Variants in VPS8 observed in about 807,000 individuals in gnomAD.
The protein encoded by VPS8 is vacuolar protein sorting-associated protein 8 homolog.
VPS8 carries 129 observed loss-of-function variants against 216.4 expected under a neutral mutation model. The observed-to-expected ratio is 0.60, with a 90% CI of 0.52 to 0.69. The LOEUF (loss-of-function observed/expected upper bound fraction) is 0.69. Ranked by LOEUF, VPS8 falls within the 30% of genes least tolerant of loss-of-function variation. VPS8 has a pLI of 0.00. For synonymous variants in VPS8, 571 were observed against 565.4 expected (o/e 1.01, Z -0.14); for missense variants, 1,531 against 1,683.5 (o/e 0.91, Z 1.59).
chr3:184,890,489 A>G (rs1335644217), intron 22 of VPS8, among the ~76,000 whole-genome samples: 3 of 152,136 alleles, frequency 2.0e-5, no homozygotes, highest in Non-Finnish European at 4.4e-5. Flanking sequence ...TATAAACATA[A>G]TACATGCTCT....
intron 45 of VPS8, among the ~76,000 whole-genome samples, chr3:185,012,561 C>A (rs1755168238): frequency 6.6e-6 from 1 of 151,188 alleles, no homozygotes. Context: ...AAAACCATAC[C>A]CAAACACATA....
chr3:184,930,188 A>G (rs988234397), intron 33 of VPS8, among the ~76,000 whole-genome samples: 1 of 152,216 alleles, frequency 6.6e-6, no homozygotes, highest in Non-Finnish European at 1.5e-5. Flanking sequence ...AATGTGGACA[A>G]TGGGATCCCC....
Position 184,852,579 on chromosome 3 carries a change from G to C in VPS8, c.821+12G>C. On this transcript the variant is annotated intron_variant, in intron 11 of 47. Transcript: ENST00000625842. ...GAATTGACATTTAAGTAAGAGACTAGTGGACATTTGTTGACAAATGAAAAG... is the reference window on the plus strand; with the variant it reads ...GAATTGACATTTAAGTAAGAGACTACTGGACATTTGTTGACAAATGAAAAG... 1 of 1,610,614 alleles carries C rather than the reference G, an allele frequency of 6.2e-7. No homozygotes were observed. Among genetic ancestry groups the C allele is most frequent in the Non-Finnish European group, 8.5e-7 (1 of 1,178,478 alleles).
At chr3:184,995,802 G>A (rs1315108155) in intron 43 of VPS8, among the ~76,000 whole-genome samples, 1 of 152,176 alleles carries the variant, frequency 6.6e-6, no homozygotes, top group Non-Finnish European at 1.5e-5. Flanking sequence ...ACTTCTAAGT[G>A]CTGATCAGGA....
chr3:184,972,218 A>G (rs147468548), intron 40 of VPS8, among the ~76,000 whole-genome samples: 39 of 152,308 alleles, frequency 2.6e-4, no homozygotes, highest in African/African-American at 8.4e-4. Flanking sequence ...CGAAGTTACT[A>G]TAAAGAGTGT....
intron 46 of VPS8, among the ~76,000 whole-genome samples, chr3:185,031,026 A>G (rs1758044242): frequency 7.5e-6 from 1 of 133,268 alleles, no homozygotes; most frequent in Admixed American, 7.9e-5. Context: ...ATAGACAGCT[A>G]TACTTGCTCA....
At chr3:185,039,412 C>T (rs749863903) in intron 46 of VPS8, among the ~76,000 whole-genome samples, 3 of 150,806 alleles carry the variant, frequency 2.0e-5, no homozygotes, top group Non-Finnish European at 4.4e-5. Flanking sequence ...CTCAGGCTGC[C>T]TCCACTCAAG....
chr3:184,950,601 T>C (rs1744524858), intron 36 of VPS8, among the ~76,000 whole-genome samples: 1 of 152,168 alleles, frequency 6.6e-6, no homozygotes. Context: ...TTTTAATTTT[T>C]ATTTTACTTT....
rs781736257 is a variant in VPS8, at chr3:184,914,997, C to T, written c.2206C>T (p.Arg736Cys). The T allele has an allele frequency of 4.3e-6, 7 of 1,613,834 alleles. No individual in the cohort carries two copies. Among genetic ancestry groups the T allele is most frequent in the East Asian group, 2.2e-5 (1 of 44,904 alleles). ...TTCTTCTAGCTGTTGTCTAGCAGGTCGTGCCTATCCCCTTGGTGACATCCC... is the reference window on the plus strand; with the variant it reads ...TTCTTCTAGCTGTTGTCTAGCAGGTTGTGCCTATCCCCTTGGTGACATCCC... Reference protein sequence around the residue: ...LVYISCCLAGRAYPLGDIPED... With the variant: ...LVYISCCLAGCAYPLGDIPED... Residue 736 changes from arginine (R) to cysteine (C), a missense_variant, in exon 27 of 48, where the codon CGT becomes TGT. Coordinates refer to ENST00000625842, the MANE Select transcript of VPS8 (RefSeq NM_001009921.3).
rs191654560 is a variant in VPS8, at chr3:184,984,542, C to T, written c.3585+1448C>T. Among the ~76,000 whole-genome samples the T allele has an allele frequency of 2.5e-3, 377 of 152,184 alleles. 1 individual carries two copies. Among genetic ancestry groups the T allele is most frequent in the African/African-American group, 8.6e-3 (355 of 41,506 alleles). ...TCCTGACCTCAGGTGATCCGCCCGC[C>T]TCAGCCTCCCAAAGTGCTCGGATTA... On this transcript the variant is annotated intron_variant, in intron 42 of 47. Transcript: ENST00000625842.
At chr3:184,883,645 G>A (rs965932091) in intron 21 of VPS8, among the ~76,000 whole-genome samples, 1 of 151,992 alleles carries the variant, frequency 6.6e-6, no homozygotes, top group Non-Finnish European at 1.5e-5. Flanking sequence ...TTTGATGACT[G>A]TAATAGCCTT....
chr3:185,011,306 G>C (rs1446778260), intron 45 of VPS8, among the ~76,000 whole-genome samples: 4 of 152,200 alleles, frequency 2.6e-5, no homozygotes, highest in Non-Finnish European at 4.4e-5. Context: ...AAGCAAACTA[G>C]ACGAGCTCTA....
At chr3:184,928,604 CAGTTTATTGATACATT>C in intron 32 of VPS8, 71 bp downstream of exon 32, 1 of 1,127,510 alleles carries the variant, frequency 8.9e-7, no homozygotes, top group Non-Finnish European at 1.2e-6. Context: ...ACTTAAAGCT[CAGTTTATTGATACATT>C]GCTGCTTTTT....
chr3:184,903,708 A>G (rs1205459988), intron 25 of VPS8, among the ~76,000 whole-genome samples: 3 of 152,126 alleles, frequency 2.0e-5, no homozygotes, highest in Non-Finnish European at 4.4e-5. Context: ...TCAGCCTCCC[A>G]AGTAGCTGAG....
intron 15 of VPS8, 132 bp downstream of exon 15, chr3:184,860,197 C>A: frequency 1.3e-6 from 1 of 794,792 alleles, no homozygotes; most frequent in East Asian, 2.9e-5. Flanking sequence ...GACAGTCCGG[C>A]ACCGAGGCTC....
chr3:184,861,372 A>G, intron 15 of VPS8, among the ~76,000 whole-genome samples: 1 of 152,222 alleles, frequency 6.6e-6, no homozygotes, highest in East Asian at 1.9e-4. Flanking sequence ...TCAACTTGAT[A>G]ACTGTAATTT....
At chr3:184,853,756 A>G (rs1172219727) in intron 11 of VPS8, 101 bp from the exon 12 acceptor site, 7 of 1,191,688 alleles carry the variant, frequency 5.9e-6, no homozygotes, top group South Asian at 1.4e-5. Flanking sequence ...TTGGGGGTTA[A>G]GGAGGTAGGA....
chr3:184,850,110 AGTCC>A, intron 10 of VPS8, 88 bp downstream of exon 10: 2 of 1,070,624 alleles, frequency 1.9e-6, no homozygotes, highest in South Asian at 1.5e-5. Context: ...TGATGATCAG[AGTCC>A]AAAAAATGTA....
At chr3:184,918,168 TAAA>T (rs1433518896) in intron 28 of VPS8, among the ~76,000 whole-genome samples, 1 of 152,188 alleles carries the variant, frequency 6.6e-6, no homozygotes, top group South Asian at 2.1e-4. Context: ...ATCAGCCTCA[TAAA>T]GAAGAATCGG....
Sources: gnomAD v4.1 joint callset for allele counts (sites outside exome capture counted in the v4.1 genomes callset) on GRCh38, gnomAD v4.1.1 for gene constraint, MANE v1.5 for transcripts, NCBI Gene and HGNC (gene_info 2026-07-23, HGNC 2026-07-21) for gene names.